Variants in VPS54 observed in about 807,000 individuals in gnomAD.
The protein encoded by VPS54 is VPS54 subunit of GARP complex.
In VPS54, 45 loss-of-function variants were observed where a neutral mutation model predicts 121.5. The ratio of observed to expected loss-of-function variants is 0.37; its 90% confidence interval spans 0.29 to 0.47. The LOEUF is 0.47. Among genes scored for constraint, VPS54 ranks in the 20% least tolerant of loss-of-function variants. The pLI, the probability that VPS54 is intolerant of heterozygous loss-of-function variation, is 0.99. For missense variants in VPS54, 1,090 were observed against 1,131.4 expected (o/e 0.96, Z 0.52); for synonymous variants, 371 against 385.8 (o/e 0.96, Z 0.45).
chr2:63,950,808 C>G (rs962971373), intron 7 of VPS54, among the ~76,000 whole-genome samples: 2 of 152,046 alleles, frequency 1.3e-5, no homozygotes, highest in African/African-American at 4.8e-5. Flanking sequence ...GAGTAGGGCA[C>G]TTTTGTCTGC....
intron 9 of VPS54, among the ~76,000 whole-genome samples, chr2:63,947,170 C>T (rs142537536): frequency 6.6e-6 from 1 of 152,058 alleles, no homozygotes; most frequent in Non-Finnish European, 1.5e-5. Context: ...ATAATGACAA[C>T]ATAAGAAAAT....
At chr2:63,893,671 C>CTTA in intron 22 of VPS54, 136 bp from the exon 23 acceptor site, 1 of 696,964 alleles carries the variant, frequency 1.4e-6, no homozygotes, top group South Asian at 2.0e-5. Flanking sequence ...AAATACTTTA[C>CTTA]TTAGCAGGAT....
At chr2:64,009,347 G>T (rs377155847) in intron 1 of VPS54, among the ~76,000 whole-genome samples, 1 of 151,740 alleles carries the variant, frequency 6.6e-6, no homozygotes, top group Non-Finnish European at 1.5e-5. Context: ...ATGGAGTCTC[G>T]CTGTGTCGCC....
At chr2:63,990,523 G>A (rs903482084) in intron 1 of VPS54, among the ~76,000 whole-genome samples, 1 of 151,846 alleles carries the variant, frequency 6.6e-6, no homozygotes, top group Admixed American at 6.6e-5. Flanking sequence ...CTGCCTCTCT[G>A]TACCCTTCTT....
At position 63,893,284 on chromosome 2, in the gene VPS54, C is replaced by T. The variant is rs376206333; in HGVS notation, c.*146G>A. 1 of 791,344 alleles carries T rather than the reference C, an allele frequency of 1.3e-6. No individual in the cohort carries two copies. Among genetic ancestry groups the T allele is most frequent in the South Asian group, 1.4e-5 (1 of 73,068 alleles). 49.0% of individuals were successfully genotyped at this position (791,344 alleles called of 1,614,324 possible). On this transcript the variant is annotated 3_prime_UTR_variant, in exon 23 of 23. Transcript: ENST00000272322. ...GTAGATCCCACTGAATCCAGTTTCC[C>T]AACACTTGATACTTTCCTTTTTCCC...
chr2:63,898,804 T>C (rs1245789945), intron 21 of VPS54, among the ~76,000 whole-genome samples: 1 of 147,122 alleles, frequency 6.8e-6, no homozygotes, highest in African/African-American at 2.5e-5. Context: ...ACAAAACTGG[T>C]AAAAAAGGGA....
chr2:63,947,302 T>C (rs916345468), intron 9 of VPS54, 81 bp downstream of exon 9: 8 of 1,271,722 alleles, frequency 6.3e-6, no homozygotes, highest in Non-Finnish European at 8.5e-6. Context: ...TTACACTATA[T>C]ATATTATTAC....
intron 1 of VPS54, among the ~76,000 whole-genome samples, chr2:63,986,334 C>G (rs1187012963): frequency 2.0e-5 from 3 of 152,122 alleles, no homozygotes; most frequent in African/African-American, 7.2e-5. Context: ...CAATTATTTT[C>G]ATTTTTAGCT....
At chr2:63,969,735 T>C (rs988023531) in intron 4 of VPS54, among the ~76,000 whole-genome samples, 2 of 152,210 alleles carry the variant, frequency 1.3e-5, no homozygotes, top group African/African-American at 4.8e-5. Flanking sequence ...TTGTTTTCCA[T>C]GAAACCAGTC....
intron 20 of VPS54, among the ~76,000 whole-genome samples, chr2:63,906,789 T>C (rs1488528906): frequency 6.6e-6 from 1 of 152,202 alleles, no homozygotes; most frequent in African/African-American, 2.4e-5. Flanking sequence ...CCAACTGATC[T>C]ATACATTCAA....
intron 7 of VPS54, 112 bp downstream of exon 7, chr2:63,961,946 G>GA: frequency 1.7e-6 from 2 of 1,169,438 alleles, no homozygotes; most frequent in East Asian, 2.5e-5. Context: ...CAATCTGGAA[G>GA]AAAAAATATC....
intron 6 of VPS54, among the ~76,000 whole-genome samples, chr2:63,963,643 AAAT>A (rs1222041968): frequency 3.9e-5 from 6 of 152,116 alleles, no homozygotes; most frequent in Non-Finnish European, 8.8e-5. Flanking sequence ...TACAATATCT[AAAT>A]AGGTTACAAA....
At chr2:63,951,206 CTT>C (rs71245641) in intron 7 of VPS54, among the ~76,000 whole-genome samples, 85 of 134,310 alleles carry the variant, frequency 6.3e-4, no homozygotes, top group Non-Finnish European at 8.5e-4. Flanking sequence ...ACAAATTTCC[CTT>C]TTTTTTTTTT....
intron 7 of VPS54, among the ~76,000 whole-genome samples, chr2:63,949,629 T>G (rs922541896): frequency 6.6e-6 from 1 of 151,744 alleles, no homozygotes; most frequent in African/African-American, 2.4e-5. Flanking sequence ...TGGAATCAGA[T>G]CATCATAAAA....
rs1035716816 is a variant in VPS54, at chr2:63,935,263, T to C, written c.1399-1250A>G. Among the ~76,000 whole-genome samples the C allele has an allele frequency of 2.6e-5, 4 of 152,300 alleles. No homozygotes were observed. The South Asian group carries it at 6.2e-4, about 24-fold the overall frequency. On this transcript the variant is annotated intron_variant, in intron 11 of 22. Coordinates refer to ENST00000272322, the MANE Select transcript of VPS54 (RefSeq NM_016516.3). ...ACCCTCTGAGTTGTGTTTCCTGTTA[T>C]TTGGAACTGAAAGCATTTTAAATGA...
intron 7 of VPS54, among the ~76,000 whole-genome samples, chr2:63,959,911 C>A (rs1028840370): frequency 6.6e-6 from 1 of 152,058 alleles, no homozygotes; most frequent in Non-Finnish European, 1.5e-5. Context: ...ATCCCAGCTA[C>A]TCGGGAGCTG....
intron 12 of VPS54, among the ~76,000 whole-genome samples, chr2:63,929,251 C>A (rs1674068515): frequency 1.3e-5 from 2 of 152,124 alleles, no homozygotes; most frequent in African/African-American, 4.8e-5. Context: ...CTAAAATTGA[C>A]CACATAACTC....
At chr2:63,913,129 G>C in intron 18 of VPS54, 94 bp downstream of exon 18, 1 of 1,004,028 alleles carries the variant, frequency 1.0e-6, no homozygotes, top group Non-Finnish European at 1.4e-6. Flanking sequence ...ACTTTGGTTA[G>C]AGCCATGAAA....
At chr2:63,987,607 T>A (rs1677115754) in intron 1 of VPS54, among the ~76,000 whole-genome samples, 1 of 152,250 alleles carries the variant, frequency 6.6e-6, no homozygotes, top group African/African-American at 2.4e-5. Flanking sequence ...ATCTGTAGAT[T>A]GCTTTGGTTA....
Sources: gnomAD v4.1 joint callset for allele counts (sites outside exome capture counted in the v4.1 genomes callset) on GRCh38, gnomAD v4.1.1 for gene constraint, MANE v1.5 for transcripts, NCBI Gene and HGNC (gene_info 2026-07-23, HGNC 2026-07-21) for gene names.